The following ULK4 variants were observed in gnomAD, a reference collection of about 807,000 sequenced individuals.
ULK4 encodes the protein unc-51 like kinase 4.
In ULK4, 133 loss-of-function variants were observed where a neutral mutation model predicts 160.6. The ratio of observed to expected loss-of-function variants is 0.83; its 90% CI spans 0.72 to 0.96. ULK4 has a LOEUF of 0.96. Among genes scored for constraint, ULK4 ranks in the 40% least tolerant of loss-of-function variants. The pLI, the probability that ULK4 is intolerant of heterozygous loss-of-function variation, is 0.00. For missense variants in ULK4, 1,580 were observed against 1,499.5 expected, an observed-to-expected ratio of 1.05 and a Z score of -0.89; for synonymous variants, 534 against 539.8, an observed-to-expected ratio of 0.99 and a Z score of 0.15.
intron 32 of ULK4, among the ~76,000 whole-genome samples, chr3:41,557,499 C>T (rs1691994): frequency 0.43 from 65,716 of 151,546 alleles, 15,435 homozygotes; most frequent in Middle Eastern, 0.55. Flanking sequence ...TGGTGGCTCA[C>T]ACCTGTAATA....
chr3:41,599,632 T>C (rs1228958960), intron 31 of ULK4, among the ~76,000 whole-genome samples: 1 of 149,578 alleles, frequency 6.7e-6, no homozygotes, highest in Admixed American at 6.7e-5. Flanking sequence ...TGGCGCGATC[T>C]CGGCTCACTG....
At chr3:41,384,928 G>A (rs182543017) in intron 35 of ULK4, among the ~76,000 whole-genome samples, 2 of 152,148 alleles carry the variant, frequency 1.3e-5, no homozygotes, top group African/African-American at 2.4e-5. Context: ...GCTGGTGCAT[G>A]CCTGTAGTCC....
intron 32 of ULK4, among the ~76,000 whole-genome samples, chr3:41,542,926 G>T (rs779104952): frequency 5.9e-5 from 9 of 152,174 alleles, no homozygotes; most frequent in Non-Finnish European, 1.2e-4. Flanking sequence ...GAGGTCTCAA[G>T]GTTCCCCAAT....
At chr3:41,544,233 T>C (rs1401290472) in intron 32 of ULK4, among the ~76,000 whole-genome samples, 1 of 152,240 alleles carries the variant, frequency 6.6e-6, no homozygotes, top group East Asian at 1.9e-4. Context: ...TTTGTGCTAA[T>C]ATTATAAAGT....
chr3:41,471,934 C>CAA lies in ULK4; in HGVS notation c.3227-8683_3227-8682dup, dbSNP rs201968512. ...AAATAAACAACTTAATGTTATATCT[C>CAA]AAAAAAAAAAAACAAAATGAAGAAT... is the stretch of plus-strand genomic sequence containing the variant. On this transcript the variant is annotated intron_variant, in intron 32 of 36. Coordinates refer to ENST00000301831, the MANE Select transcript of ULK4 (RefSeq NM_017886.4). 3.9e-3 allele frequency among the ~76,000 whole-genome samples: 513 copies of CAA among 131,090 alleles called. 3 individuals are homozygous for CAA. The highest frequency in any genetic ancestry group is 0.021 in the Middle Eastern group (5 of 234). The allele number at this position is 131,090 out of a possible 152,430, so 86.0% of individuals were successfully genotyped here. A position where few individuals can be genotyped will look rare whatever the true frequency, so the allele number is the denominator to read the frequency against.
chr3:41,767,531 G>T (rs541473684), intron 21 of ULK4, among the ~76,000 whole-genome samples: 1 of 151,786 alleles, frequency 6.6e-6, no homozygotes, highest in Admixed American at 6.6e-5. Context: ...TCCCAAATAC[G>T]CACTTCTCCT....
At chr3:41,859,824 A>AT (rs397875093) in intron 17 of ULK4, among the ~76,000 whole-genome samples, 3,899 of 115,850 alleles carry the variant, frequency 0.034, 104 homozygotes, top group East Asian at 0.1. Context: ...TGCCTGGCTA[A>AT]TTTTTTTTTT....
chr3:41,752,738 A>T (rs2038674037), intron 22 of ULK4, among the ~76,000 whole-genome samples: 1 of 152,230 alleles, frequency 6.6e-6, no homozygotes, highest in African/African-American at 2.4e-5. Context: ...TCACATTAAA[A>T]ATCAGCACTA....
At chr3:41,438,929 T>G (rs909408558) in intron 34 of ULK4, among the ~76,000 whole-genome samples, 4 of 151,334 alleles carry the variant, frequency 2.6e-5, no homozygotes, top group Non-Finnish European at 5.9e-5. Flanking sequence ...TTCCATATGG[T>G]TAGCATAATC....
intron 17 of ULK4, among the ~76,000 whole-genome samples, chr3:41,845,850 A>G (rs1398488762): frequency 6.6e-6 from 1 of 152,218 alleles, no homozygotes; most frequent in East Asian, 1.9e-4. Context: ...CAAAACAAAA[A>G]GTTTAATTTA....
chr3:41,447,872 A>G (rs2083337736), intron 34 of ULK4, among the ~76,000 whole-genome samples: 1 of 152,144 alleles, frequency 6.6e-6, no homozygotes, highest in Non-Finnish European at 1.5e-5. Context: ...GAAGAGGGCA[A>G]CTTCTAGAGA....
intron 16 of ULK4, among the ~76,000 whole-genome samples, chr3:41,884,942 A>G (rs1697667571): frequency 1.3e-5 from 2 of 152,218 alleles, no homozygotes. Context: ...AAATATCTGT[A>G]GGACAATTGG....
At chr3:41,678,539 A>T (rs2035812993) in intron 29 of ULK4, among the ~76,000 whole-genome samples, 1 of 152,202 alleles carries the variant, frequency 6.6e-6, no homozygotes, top group Non-Finnish European at 1.5e-5. Context: ...AGAAAGACAC[A>T]TACACGGAGC....
chr3:41,422,094 T>A (rs889780309), intron 34 of ULK4, among the ~76,000 whole-genome samples: 1 of 152,114 alleles, frequency 6.6e-6, no homozygotes, highest in African/African-American at 2.4e-5. Flanking sequence ...GTTTCCTCTT[T>A]CCCTGCAGCT....
chr3:41,340,130 T>G (rs2080650560), intron 35 of ULK4, among the ~76,000 whole-genome samples: 1 of 152,248 alleles, frequency 6.6e-6, no homozygotes, highest in South Asian at 2.1e-4. Flanking sequence ...TTAATTTGGA[T>G]GGAAAGTATA....
chr3:41,640,025 A>G (rs1177086564), intron 30 of ULK4, among the ~76,000 whole-genome samples: 2 of 152,200 alleles, frequency 1.3e-5, no homozygotes, highest in Non-Finnish European at 1.5e-5. Flanking sequence ...CCACTGAAGG[A>G]TATCAATGAT....
chr3:41,849,817 A>G (rs1446430586), intron 17 of ULK4, among the ~76,000 whole-genome samples: 1 of 152,026 alleles, frequency 6.6e-6, no homozygotes, highest in Non-Finnish European at 1.5e-5. Context: ...TTTTTAAAGA[A>G]TTTTTATTAT....
intron 22 of ULK4, among the ~76,000 whole-genome samples, chr3:41,732,513 T>C (rs2037867687): frequency 6.6e-6 from 1 of 152,108 alleles, no homozygotes; most frequent in African/African-American, 2.4e-5. Flanking sequence ...TCTTATATAC[T>C]GTTAGAGGGA....
chr3:41,298,711 G>A (rs949782295), intron 35 of ULK4, among the ~76,000 whole-genome samples: 3 of 152,190 alleles, frequency 2.0e-5, no homozygotes, highest in Non-Finnish European at 2.9e-5. Flanking sequence ...AAGTCATAGA[G>A]AGTCAAACAG....
Sources: allele counts gnomAD v4.1 joint callset (sites outside exome capture counted in the v4.1 genomes callset), GRCh38; gene constraint gnomAD v4.1.1; transcripts MANE v1.5; gene names NCBI Gene and HGNC (gene_info 2026-07-23, HGNC 2026-07-21).